Variants in SNX1 observed in about 807,000 individuals in gnomAD.
SNX1 encodes the protein sorting nexin-1.
In SNX1, 36 loss-of-function variants were observed where a neutral mutation model predicts 71.8. The observed-to-expected ratio is 0.50, with a 90% confidence interval of 0.38 to 0.66. The LOEUF is 0.66. Among genes scored for constraint, SNX1 ranks in the 30% least tolerant of loss-of-function variants. The probability of loss-of-function intolerance (pLI) is 0.00; values close to 1 mark genes in which losing one functional copy is unlikely to be tolerated. For missense variants in SNX1, 612 were observed against 646.7 expected (o/e 0.95, Z 0.58); for synonymous variants, 254 against 240.7 (o/e 1.06, Z -0.51).
Position 64,127,917 on chromosome 15 carries a change from A to G in SNX1, c.807+111A>G, listed in dbSNP as rs145994572. ...CTTAACATGCCTAGTACTAGACTGT[A>G]TCCTAGTTTTGTGTGAACCCCTGAG... is the stretch of plus-strand genomic sequence containing the variant. On this transcript the variant is annotated intron_variant, in intron 8 of 14. Coordinates refer to ENST00000559844, the MANE Select transcript of SNX1 (RefSeq NM_003099.5). 2.9e-4 allele frequency: 206 copies of G among 720,154 alleles called. 1 individual carries two copies. In the African/African-American group the frequency reaches 3.3e-3, roughly 12 times the overall value. The allele number at this position is 720,154 out of a possible 1,614,324, so 44.6% of individuals were successfully genotyped here.
At chr15:64,110,762 C>T (rs1567320374) in intron 1 of SNX1, among the ~76,000 whole-genome samples, 1 of 152,138 alleles carries the variant, frequency 6.6e-6, no homozygotes, top group Non-Finnish European at 1.5e-5. Context: ...CTCTAGTTTT[C>T]ACTGCAGTAT....
intron 1 of SNX1, among the ~76,000 whole-genome samples, chr15:64,100,868 C>T (rs1567315102): frequency 6.6e-6 from 1 of 152,170 alleles, no homozygotes; most frequent in Non-Finnish European, 1.5e-5. Context: ...GGCAGTGGCA[C>T]CATCATGGCT....
At chr15:64,105,106 G>A (rs1028458059) in intron 1 of SNX1, among the ~76,000 whole-genome samples, 7 of 150,768 alleles carry the variant, frequency 4.6e-5, no homozygotes, top group African/African-American at 1.5e-4. Context: ...GTGGTGGTGC[G>A]TGCCTGTAAT....
At chr15:64,137,287 A>T (rs2081368755) in intron 14 of SNX1, among the ~76,000 whole-genome samples, 1 of 152,214 alleles carries the variant, frequency 6.6e-6, no homozygotes, top group Non-Finnish European at 1.5e-5. Flanking sequence ...GTGAGGAACT[A>T]ACTGAGCCAG....
At position 64,130,251 on chromosome 15, in the gene SNX1, G is replaced by A. The variant is rs749157237; in HGVS notation, c.945G>A (p.Glu315=). ...SDIWFEEKLQ[E]VECEEQRLRK... Reference sequence around the variant, plus strand: ...AGTGGTTTGAGGAGAAGCTCCAGGAGGTAGAGTGTGAGGAGCAGCGCTTAC... The same window carrying A: ...AGTGGTTTGAGGAGAAGCTCCAGGAAGTAGAGTGTGAGGAGCAGCGCTTAC... The change falls in exon 10 of 15, where the codon GAG becomes GAA. Residue 315 remains glutamate, a synonymous_variant. Transcript: ENST00000559844. 1.2e-6 allele frequency: 2 copies of A among 1,614,128 alleles called. No individual in the cohort carries two copies. Among genetic ancestry groups the A allele is most frequent in the Non-Finnish European group, 1.7e-6 (2 of 1,179,992 alleles).
Position 64,143,611 on chromosome 15 carries a change from C to T in SNX1, c.*5993C>T, listed in dbSNP as rs2081435958. 6.6e-6 allele frequency: 1 copy of T among 152,288 alleles called. No homozygotes were observed. Among genetic ancestry groups the T allele is most frequent in the African/African-American group, 2.4e-5 (1 of 41,460 alleles). 9.4% of individuals were successfully genotyped at this position (152,288 alleles called of 1,614,324 possible). A position where few individuals can be genotyped will look rare whatever the true frequency, so the allele number is the denominator to read the frequency against. On this transcript the variant is annotated 3_prime_UTR_variant, in exon 15 of 15. Transcript: ENST00000559844. The stretch of plus-strand genomic sequence containing the variant: ...CTGATTGCAAATGTGCTACTTCTCA[C>T]TTCTGTGTGGCCCGAGGAGGCTGGG...
In SNX1 at chr15:64,123,501, A is replaced by G; in HGVS notation, c.467-2A>G. The G allele has an allele frequency of 1.2e-6, 2 of 1,613,462 alleles. No individual in the cohort carries two copies. Among genetic ancestry groups the G allele is most frequent in the Non-Finnish European group, 1.7e-6 (2 of 1,179,474 alleles). ...ATCTTCTGCTTTCTTGTTCTCTCAC[A>G]GGGGATGGTATGAATGCATATGTAG... On this transcript the variant is annotated splice_acceptor_variant, in intron 4 of 14. Transcript: ENST00000559844. LOFTEE classifies it high-confidence loss of function.
At chr15:64,113,218 C>T (rs1414365763) in intron 2 of SNX1, among the ~76,000 whole-genome samples, 1 of 152,222 alleles carries the variant, frequency 6.6e-6, no homozygotes, top group African/African-American at 2.4e-5. Context: ...AAGCTGTAAC[C>T]TCCAGTTTGA....
chr15:64,124,939 T>C (rs1299238275), intron 5 of SNX1, among the ~76,000 whole-genome samples: 1 of 152,226 alleles, frequency 6.6e-6, no homozygotes, highest in African/African-American at 2.4e-5. Flanking sequence ...TGAACTCTCA[T>C]TGTGATGTAG....
At chr15:64,111,872 G>A (rs182674460) in intron 1 of SNX1, among the ~76,000 whole-genome samples, 430 of 152,278 alleles carry the variant, frequency 2.8e-3, no homozygotes, top group East Asian at 9.3e-3. Flanking sequence ...TCTGGTACCG[G>A]TCTGGGGACC....
chr15:64,123,356 TA>T, intron 4 of SNX1, 146 bp from the exon 5 acceptor site: 1 of 696,196 alleles, frequency 1.4e-6, no homozygotes, highest in Non-Finnish European at 2.5e-6. Flanking sequence ...AACTGGATTC[TA>T]AGATTGCATA....
chr15:64,127,373 A>G (rs750487956), intron 7 of SNX1, 121 bp downstream of exon 7: 11 of 735,806 alleles, frequency 1.5e-5, no homozygotes, highest in Non-Finnish European at 2.5e-5. Flanking sequence ...TTGAAGTTGC[A>G]CACCTCCATA....
chr15:64,136,484 C>T, intron 13 of SNX1, 74 bp downstream of exon 13: 1 of 1,306,608 alleles, frequency 7.7e-7, no homozygotes, highest in South Asian at 1.2e-5. Flanking sequence ...TTGTCCAACT[C>T]TGTTGGGTAA....
intron 1 of SNX1, among the ~76,000 whole-genome samples, chr15:64,098,689 CAA>C (rs11448636): frequency 1.6e-4 from 16 of 100,236 alleles, no homozygotes; most frequent in Admixed American, 2.1e-4. Context: ...GACTCTCTCT[CAA>C]AAAAAAAAAA....
Position 64,141,102 on chromosome 15 carries a change from T to C in SNX1, c.*3484T>C, listed in dbSNP as rs1406478906. 3 of 152,234 alleles carry C rather than the reference T, an allele frequency of 2.0e-5. No individual in the cohort carries two copies. Among genetic ancestry groups the C allele is most frequent in the African/African-American group, 7.2e-5 (3 of 41,460 alleles). 9.4% of individuals were successfully genotyped at this position (152,234 alleles called of 1,614,324 possible). Reference sequence around the variant, plus strand: ...GTTAGAGATACCTGACATAAATAGATACTAAAAATCATGAATTCACACTGA... The same window carrying C: ...GTTAGAGATACCTGACATAAATAGACACTAAAAATCATGAATTCACACTGA... On this transcript the variant is annotated 3_prime_UTR_variant, in exon 15 of 15. Transcript: ENST00000559844. This position sits in a 1 kb window ranked among gnomAD's most constrained non-coding sequence, Gnocchi z 5.1.
chr15:64,105,789 T>C (rs1279185241), intron 1 of SNX1, among the ~76,000 whole-genome samples: 1 of 152,170 alleles, frequency 6.6e-6, no homozygotes, highest in Non-Finnish European at 1.5e-5. Flanking sequence ...TTGCACATGA[T>C]TTTCCTTAAC....
chr15:64,137,858 G>T lies in SNX1; in HGVS notation c.*240G>T. The T allele has an allele frequency of 2.1e-6, 3 of 1,405,410 alleles. No individual in the cohort carries two copies. The allele number at this position is 1,405,410 out of a possible 1,614,324, so 87.1% of individuals were successfully genotyped here. ...AGCAAAAGACCTACAATAGGTGGTG[G>T]AATTATGGGATGGGGTGGAGTATTG... On this transcript the variant is annotated 3_prime_UTR_variant, in exon 15 of 15. Transcript: ENST00000559844.
intron 6 of SNX1, 145 bp downstream of exon 6, chr15:64,126,365 G>A: frequency 2.1e-6 from 2 of 936,832 alleles, no homozygotes; most frequent in South Asian, 1.9e-5. Context: ...CTACACTGGA[G>A]GTCTAGAGAA....
At position 64,141,023 on chromosome 15, in the gene SNX1, A is replaced by AGATGGATG. The variant is rs1423772178; in HGVS notation, c.*3409_*3410insGATGGATG. ...TAGATAGATAGATAGATAGATAGATAGATGATAGATATAGATAGATAGATA... is the reference window on the plus strand; with the variant it reads ...TAGATAGATAGATAGATAGATAGATAGATGGATGGATGATAGATATAGATAGATAGATA... On this transcript the variant is annotated 3_prime_UTR_variant, in exon 15 of 15. Transcript: ENST00000559844. The surrounding 1 kb of genome is among the most constrained non-coding windows in gnomAD (Gnocchi z 5.1). 6.6e-6 allele frequency: 1 copy of AGATGGATG among 151,358 alleles called. No individual in the cohort carries two copies. Among genetic ancestry groups the AGATGGATG allele is most frequent in the African/African-American group, 2.5e-5 (1 of 40,634 alleles). 9.4% of individuals were successfully genotyped at this position (151,358 alleles called of 1,614,324 possible).
Sources: gnomAD v4.1 joint callset for allele counts (sites outside exome capture counted in the v4.1 genomes callset) on GRCh38, gnomAD v4.1.1 for gene constraint, Gnocchi (gnomAD v3.1) non-coding constraint, MANE v1.5 for transcripts, NCBI Gene and HGNC (gene_info 2026-07-23, HGNC 2026-07-21) for gene names.